Variants in CTNNA3 observed in about 807,000 individuals in gnomAD.
CTNNA3 encodes catenin alpha 3, also known as catenin alpha-3.
A neutral mutation model predicts 95.7 loss-of-function variants in CTNNA3; 76 were observed. The ratio of observed to expected loss-of-function variants is 0.79; its 90% CI spans 0.66 to 0.96. The LOEUF is 0.96. Ranked by LOEUF, CTNNA3 falls within the 40% of genes least tolerant of loss-of-function variation. The pLI, the probability that CTNNA3 is intolerant of heterozygous loss-of-function variation, is 0.00. For synonymous variants in CTNNA3, 431 were observed against 374.4 expected, an observed-to-expected ratio of 1.15 and a Z score of -1.74; for missense variants, 1,191 against 1,089.8, an observed-to-expected ratio of 1.09 and a Z score of -1.31.
intron 7 of CTNNA3, among the ~76,000 whole-genome samples, chr10:66,824,356 T>C (rs1331630319): frequency 6.6e-6 from 1 of 152,200 alleles, no homozygotes; most frequent in Non-Finnish European, 1.5e-5. Flanking sequence ...GCCTCTGTTA[T>C]TGAAGCAATA....
chr10:66,778,112 C>T (rs963693796), intron 7 of CTNNA3, among the ~76,000 whole-genome samples: 3 of 152,110 alleles, frequency 2.0e-5, no homozygotes, highest in African/African-American at 7.2e-5. Context: ...CCTATCATGA[C>T]AGGAAGTTTA....
At chr10:67,645,981 T>C (rs908885034) in intron 2 of CTNNA3, among the ~76,000 whole-genome samples, 3 of 148,248 alleles carry the variant, frequency 2.0e-5, no homozygotes, top group Non-Finnish European at 4.5e-5. Flanking sequence ...AGGATATATA[T>C]AAAGAAGATA....
chr10:66,433,495 T>C (rs2093313944), intron 11 of CTNNA3, among the ~76,000 whole-genome samples: 1 of 152,176 alleles, frequency 6.6e-6, no homozygotes, highest in Non-Finnish European at 1.5e-5. Flanking sequence ...GATGGGGTTG[T>C]TTTTCTCTTG....
At chr10:66,440,248 C>T (rs2093366041) in intron 11 of CTNNA3, among the ~76,000 whole-genome samples, 1 of 151,972 alleles carries the variant, frequency 6.6e-6, no homozygotes, top group South Asian at 2.1e-4. Flanking sequence ...ATCAATTTTT[C>T]TTTGATTATT....
intron 14 of CTNNA3, chr10:66,079,278 C>T (rs2080651305): frequency 6.6e-6 from 1 of 151,698 alleles, no homozygotes; most frequent in Admixed American, 6.6e-5. Context: ...GATCCCTGTG[C>T]AGAAAAAGAC....
chr10:67,293,556 G>A (rs907314673), intron 5 of CTNNA3, among the ~76,000 whole-genome samples: 3 of 151,768 alleles, frequency 2.0e-5, no homozygotes, highest in South Asian at 2.1e-4. Context: ...TAGGGTACAC[G>A]TGCACAACGT....
intron 7 of CTNNA3, among the ~76,000 whole-genome samples, chr10:67,065,786 C>T (rs1282350267): frequency 6.6e-6 from 1 of 152,112 alleles, no homozygotes; most frequent in East Asian, 1.9e-4. Context: ...TGACCAGGAA[C>T]ACCAGTTTTG....
At chr10:66,403,993 CTGATCAGGAGTTATG>C (rs571298631) in intron 11 of CTNNA3, among the ~76,000 whole-genome samples, 55 of 152,278 alleles carry the variant, frequency 3.6e-4, no homozygotes, top group African/African-American at 1.1e-3. Flanking sequence ...AAATCGCTTA[CTGATCAGGAGTTATG>C]TGGTCAGGAG....
chr10:67,543,842 A>G (rs1840756889), intron 3 of CTNNA3, among the ~76,000 whole-genome samples: 1 of 152,282 alleles, frequency 6.6e-6, no homozygotes, highest in East Asian at 1.9e-4. Context: ...AACTCTGAAG[A>G]GGTAGAAGCT....
At chr10:66,261,914 A>G (rs2091014437) in intron 13 of CTNNA3, among the ~76,000 whole-genome samples, 3 of 151,848 alleles carry the variant, frequency 2.0e-5, no homozygotes, top group African/African-American at 2.4e-5. Flanking sequence ...ACCCACTCCA[A>G]AACCCTTAAA....
At chr10:66,443,234 G>A (rs980117027) in intron 11 of CTNNA3, among the ~76,000 whole-genome samples, 1 of 152,102 alleles carries the variant, frequency 6.6e-6, no homozygotes, top group Admixed American at 6.5e-5. Flanking sequence ...CTGGGGGCAG[G>A]GCATAGACAA....
At chr10:67,703,048 C>T (rs1841053834) in intron 1 of CTNNA3, among the ~76,000 whole-genome samples, 1 of 152,178 alleles carries the variant, frequency 6.6e-6, no homozygotes, top group African/African-American at 2.4e-5. Flanking sequence ...AATTCCTTGA[C>T]ATATACACCC....
chr10:67,063,675 C>T (rs1195858252), intron 7 of CTNNA3, among the ~76,000 whole-genome samples: 2 of 152,176 alleles, frequency 1.3e-5, no homozygotes, highest in African/African-American at 4.8e-5. Context: ...ACTTAGACAC[C>T]TAATACGTAT....
chr10:66,068,533 T>C (rs1325356228), intron 15 of CTNNA3, among the ~76,000 whole-genome samples: 2 of 152,166 alleles, frequency 1.3e-5, no homozygotes, highest in African/African-American at 4.8e-5. Flanking sequence ...CACCTGAAAG[T>C]TATTTTGGGG....
intron 15 of CTNNA3, 64 bp from the exon 16 acceptor site, chr10:65,988,861 G>T: frequency 8.5e-7 from 1 of 1,171,272 alleles, no homozygotes; most frequent in Non-Finnish European, 1.3e-6. Flanking sequence ...AGCTACGATG[G>T]TTCATGAAAA....
intron 5 of CTNNA3, among the ~76,000 whole-genome samples, chr10:67,451,078 T>G (rs1322177876): frequency 6.6e-6 from 1 of 152,038 alleles, no homozygotes; most frequent in African/African-American, 2.4e-5. Flanking sequence ...TAATACCAAC[T>G]TTGCAGGAGT....
chr10:66,816,662 T>C (rs575728825), intron 7 of CTNNA3, among the ~76,000 whole-genome samples: 2 of 152,172 alleles, frequency 1.3e-5, no homozygotes, highest in Admixed American at 6.5e-5. Context: ...TGAACAACAC[T>C]ATAAGCCAAC....
At chr10:67,457,675 C>T (rs932373084) in intron 5 of CTNNA3, among the ~76,000 whole-genome samples, 1 of 152,072 alleles carries the variant, frequency 6.6e-6, no homozygotes, top group African/African-American at 2.4e-5. Flanking sequence ...AGTAGGACTG[C>T]GTTCCTTCTG....
At chr10:66,852,628 G>A (rs1289799123) in intron 7 of CTNNA3, among the ~76,000 whole-genome samples, 1 of 152,070 alleles carries the variant, frequency 6.6e-6, no homozygotes, top group Non-Finnish European at 1.5e-5. Context: ...CATGAAGAAT[G>A]TTAAAATGTA....
Sources: gnomAD v4.1 joint callset for allele counts (sites outside exome capture counted in the v4.1 genomes callset) on GRCh38, gnomAD v4.1.1 for gene constraint, MANE v1.5 for transcripts, NCBI Gene and HGNC (gene_info 2026-07-23, HGNC 2026-07-21) for gene names.